The following SYN3 variants were observed in gnomAD, a reference collection of about 807,000 sequenced individuals.
SYN3 encodes synapsin-3.
Under a neutral mutation model 65.8 loss-of-function variants are expected in SYN3, and 35 were observed. The observed-to-expected ratio is 0.53, with a 90% confidence interval of 0.41 to 0.70. SYN3 has a LOEUF of 0.70. SYN3 is among the 30% of genes least tolerant of loss of function. The probability of loss-of-function intolerance (pLI) is 0.00; values close to 1 mark genes in which losing one functional copy is unlikely to be tolerated. For synonymous variants in SYN3, 270 were observed against 292.9 expected (o/e 0.92, Z 0.80); for missense variants, 680 against 749.0 (o/e 0.91, Z 1.08).
intron 4 of SYN3, among the ~76,000 whole-genome samples, chr22:32,872,463 A>G (rs2048874513): frequency 1.3e-5 from 2 of 152,152 alleles, no homozygotes; most frequent in African/African-American, 4.8e-5. Flanking sequence ...TAACACCACG[A>G]AGAAATTCAT....
intron 6 of SYN3, among the ~76,000 whole-genome samples, chr22:32,726,711 G>C (rs1369167952): frequency 2.6e-5 from 4 of 152,158 alleles, no homozygotes; most frequent in African/African-American, 9.7e-5. Flanking sequence ...GGACTTCCCT[G>C]GTCTCTTTGT....
intron 7 of SYN3, among the ~76,000 whole-genome samples, chr22:32,587,222 CAAA>C (rs11341864): frequency 1.2e-4 from 10 of 86,430 alleles, no homozygotes; most frequent in South Asian, 4.2e-4. Context: ...GCTCTTATCT[CAAA>C]AAAAAAAAAA....
chr22:32,587,245 A>AGT (rs2059060475), intron 7 of SYN3, among the ~76,000 whole-genome samples: 1 of 136,804 alleles, frequency 7.3e-6, no homozygotes, highest in Non-Finnish European at 1.6e-5. Flanking sequence ...AAAAAAAAAG[A>AGT]GAGAGAGAAG....
intron 1 of SYN3, among the ~76,000 whole-genome samples, chr22:33,016,951 A>G (rs1166863186): frequency 6.6e-6 from 1 of 152,116 alleles, no homozygotes; most frequent in Non-Finnish European, 1.5e-5. Context: ...GCTTTTGGAG[A>G]CACTTGGACA....
chr22:32,889,450 A>AC (rs2049382355), intron 4 of SYN3, among the ~76,000 whole-genome samples: 2 of 152,074 alleles, frequency 1.3e-5, no homozygotes, highest in African/African-American at 4.8e-5. Flanking sequence ...TTTTATAGGA[A>AC]TTTTTCTGTT....
chr22:33,003,771 T>G (rs925336063), intron 2 of SYN3, among the ~76,000 whole-genome samples: 1 of 152,208 alleles, frequency 6.6e-6, no homozygotes, highest in Non-Finnish European at 1.5e-5. Flanking sequence ...GCCGAATGTT[T>G]ATTACCAAGA....
chr22:32,925,308 C>T (rs1022418551), intron 4 of SYN3, among the ~76,000 whole-genome samples: 8 of 152,170 alleles, frequency 5.3e-5, no homozygotes, highest in African/African-American at 1.9e-4. Context: ...CACACTACTC[C>T]AGTATAACTG....
chr22:32,511,907 G>A lies in SYN3; in HGVS notation c.*1785C>T, dbSNP rs1269185259. Among the ~76,000 whole-genome samples, 1 of 152,212 alleles carries A rather than the reference G, an allele frequency of 6.6e-6. No homozygotes were observed. The highest frequency in any genetic ancestry group is 1.5e-5 in the Non-Finnish European group (1 of 68,046). The stretch of plus-strand genomic sequence containing the variant: ...CTCTTAAATCCAGACCTGATCATGA[G>A]TGAGGGAAGAGGGCAATGTGAAGAG... On this transcript the variant is annotated 3_prime_UTR_variant, in exon 14 of 14. Transcript: ENST00000358763.
At chr22:32,908,388 T>A (rs1226993614) in intron 4 of SYN3, among the ~76,000 whole-genome samples, 1 of 58,382 alleles carries the variant, frequency 1.7e-5, no homozygotes, top group African/African-American at 8.0e-5. Context: ...GCCTAGCCTT[T>A]TTTTTTTTTT....
At chr22:33,016,694 T>C (rs2053473541) in intron 1 of SYN3, among the ~76,000 whole-genome samples, 1 of 152,222 alleles carries the variant, frequency 6.6e-6, no homozygotes, top group Admixed American at 6.5e-5. Flanking sequence ...TAGCCACTTG[T>C]ATGTCTTCTT....
intron 4 of SYN3, among the ~76,000 whole-genome samples, chr22:32,904,521 GT>G (rs2049850657): frequency 6.6e-6 from 1 of 151,814 alleles, no homozygotes. Flanking sequence ...AGACCACCAA[GT>G]TTTTTGTTTT....
Position 33,006,493 on chromosome 22 carries a change from G to A in SYN3, c.170C>T (p.Ser57Phe). 1 of 1,614,218 alleles carries A rather than the reference G, an allele frequency of 6.2e-7. No homozygotes were observed. Among genetic ancestry groups the A allele is most frequent in the South Asian group, 1.1e-5 (1 of 91,084 alleles). The change falls in exon 2 of 14, where the codon TCC becomes TTC. Residue 57 changes from serine to phenylalanine, a missense_variant. Transcript: ENST00000358763. ...ACTGGAGAGGGAGCTAAAAAGGCTGGATCCTGGAGAGGAGAAGGAGGCAGC... is the reference window on the plus strand; with the variant it reads ...ACTGGAGAGGGAGCTAAAAAGGCTGAATCCTGGAGAGGAGAAGGAGGCAGC... Reference protein sequence around the residue: ...PLAASFSSPGSSLFSSLSSAM... With the variant: ...PLAASFSSPGFSLFSSLSSAM...
intron 6 of SYN3, among the ~76,000 whole-genome samples, chr22:32,768,470 C>A (rs1308169813): frequency 6.6e-6 from 1 of 152,130 alleles, no homozygotes; most frequent in African/African-American, 2.4e-5. Flanking sequence ...CAGGTTCAAT[C>A]GCCACCTCTT....
At position 32,599,483 on chromosome 22, in the gene SYN3, G is replaced by A. The variant is rs546083981; in HGVS notation, c.712-2747C>T. Among the ~76,000 whole-genome samples the A allele has an allele frequency of 3.9e-5, 6 of 151,930 alleles. No homozygotes were observed. The East Asian group carries it at 5.8e-4, about 15-fold the overall frequency. On this transcript the variant is annotated intron_variant, in intron 6 of 13. Coordinates refer to ENST00000358763, the MANE Select transcript of SYN3 (RefSeq NM_003490.4). ...ACTACAGGTGCCCGCCACCATGCCCGGCTAATTTTTTGTATTTTTAGTACA... is the reference window on the plus strand; with the variant it reads ...ACTACAGGTGCCCGCCACCATGCCCAGCTAATTTTTTGTATTTTTAGTACA...
intron 7 of SYN3, among the ~76,000 whole-genome samples, chr22:32,572,037 C>T (rs1350232859): frequency 1.3e-5 from 2 of 151,850 alleles, no homozygotes; most frequent in African/African-American, 4.8e-5. Flanking sequence ...GCCCAGAGCT[C>T]GCTCACAGGA....
At chr22:32,557,171 A>C (rs1173022076) in intron 7 of SYN3, among the ~76,000 whole-genome samples, 1 of 152,182 alleles carries the variant, frequency 6.6e-6, no homozygotes, top group Non-Finnish European at 1.5e-5. Context: ...GGTGTATTAA[A>C]AAGATTATTA....
intron 6 of SYN3, among the ~76,000 whole-genome samples, chr22:32,615,816 C>T (rs562162654): frequency 6.6e-6 from 1 of 152,338 alleles, no homozygotes; most frequent in Admixed American, 6.5e-5. Context: ...GGCTCGTTCA[C>T]AGCACGGCTG....
chr22:32,971,891 C>T (rs1309253870), intron 3 of SYN3, among the ~76,000 whole-genome samples: 2 of 152,138 alleles, frequency 1.3e-5, no homozygotes, highest in Non-Finnish European at 2.9e-5. Flanking sequence ...GCCACACAGC[C>T]GTCTCAGCAG....
At chr22:32,835,006 A>G (rs114761866) in intron 6 of SYN3, among the ~76,000 whole-genome samples, 6 of 152,344 alleles carry the variant, frequency 3.9e-5, no homozygotes, top group African/African-American at 1.4e-4. Context: ...CCGACCTGTC[A>G]GTCTTGGTCT....
Sources: gnomAD v4.1 joint callset for allele counts (sites outside exome capture counted in the v4.1 genomes callset) on GRCh38, gnomAD v4.1.1 for gene constraint, MANE v1.5 for transcripts, NCBI Gene and HGNC (gene_info 2026-07-23, HGNC 2026-07-21) for gene names.